Variants in CACHD1 observed in about 807,000 individuals in gnomAD.
CACHD1 encodes the protein cache domain containing 1.
Under a neutral mutation model 138.7 loss-of-function variants are expected in CACHD1, and 71 were observed. That is an observed-to-expected ratio of 0.51 (90% CI 0.42 to 0.62). CACHD1 has a LOEUF of 0.62. CACHD1 is among the 20% of genes least tolerant of loss of function. The pLI is 0.00. For missense variants in CACHD1, 1,389 were observed against 1,625.3 expected (o/e 0.85, Z 2.50); for synonymous variants, 578 against 591.5 (o/e 0.98, Z 0.33).
intron 26 of CACHD1, among the ~76,000 whole-genome samples, chr1:64,683,693 C>A (rs1305847321): frequency 1.3e-5 from 2 of 152,164 alleles, no homozygotes; most frequent in East Asian, 3.9e-4. Context: ...TCCATGTTAT[C>A]CCCAAGGTAT....
At chr1:64,679,466 C>T in intron 23 of CACHD1, 129 bp from the exon 24 acceptor site, 1 of 992,168 alleles carries the variant, frequency 1.0e-6, no homozygotes, top group Non-Finnish European at 1.5e-6. Flanking sequence ...GAACTCAAAG[C>T]CTAACTAAGC....
chr1:64,547,327 A>G (rs985004604), intron 1 of CACHD1, among the ~76,000 whole-genome samples: 2 of 152,138 alleles, frequency 1.3e-5, no homozygotes, highest in African/African-American at 4.8e-5. Context: ...GTAGTTTGAG[A>G]TCTTGTGCAC....
chr1:64,641,413 C>T (rs1389681284), intron 7 of CACHD1, among the ~76,000 whole-genome samples: 1 of 152,152 alleles, frequency 6.6e-6, no homozygotes, highest in Non-Finnish European at 1.5e-5. Context: ...AAAGCCTGGT[C>T]CTCAAGAAAC....
chr1:64,542,269 C>T (rs891509515), intron 1 of CACHD1, among the ~76,000 whole-genome samples: 2 of 152,098 alleles, frequency 1.3e-5, no homozygotes, highest in Admixed American at 6.6e-5. Flanking sequence ...TGTACCTGGG[C>T]GTACAGTTTG....
chr1:64,566,847 A>G (rs979279361), intron 2 of CACHD1, among the ~76,000 whole-genome samples: 6 of 152,086 alleles, frequency 3.9e-5, no homozygotes, highest in Non-Finnish European at 8.8e-5. Flanking sequence ...AAAAATAAAT[A>G]TTATTAGAGC....
At chr1:64,590,419 G>C (rs1165562892) in intron 3 of CACHD1, among the ~76,000 whole-genome samples, 2 of 151,738 alleles carry the variant, frequency 1.3e-5, no homozygotes, top group African/African-American at 4.8e-5. Context: ...CTGTAAATTG[G>C]TTGTGTATTT....
chr1:64,523,759 T>C (rs1646515567), intron 1 of CACHD1, among the ~76,000 whole-genome samples: 2 of 152,244 alleles, frequency 1.3e-5, no homozygotes, highest in African/African-American at 4.8e-5. Flanking sequence ...TGTATAAAGC[T>C]GATAACTAGA....
chr1:64,574,678 A>G (rs533065851), intron 2 of CACHD1, among the ~76,000 whole-genome samples: 11 of 152,332 alleles, frequency 7.2e-5, no homozygotes, highest in African/African-American at 2.4e-4. Context: ...TGGCGCTTAT[A>G]ATACATTGGA....
chr1:64,558,334 A>G (rs971514803), intron 2 of CACHD1, among the ~76,000 whole-genome samples: 1 of 152,210 alleles, frequency 6.6e-6, no homozygotes, highest in Admixed American at 6.5e-5. Context: ...TGTTCAGACG[A>G]AGATCCCCAT....
intron 2 of CACHD1, among the ~76,000 whole-genome samples, chr1:64,579,688 G>T (rs1423381514): frequency 1.3e-5 from 2 of 152,078 alleles, no homozygotes; most frequent in East Asian, 3.9e-4. Flanking sequence ...TTTTAAAAGA[G>T]TTGATTATTA....
intron 5 of CACHD1, among the ~76,000 whole-genome samples, chr1:64,631,810 G>A (rs1197267288): frequency 6.6e-6 from 1 of 152,116 alleles, no homozygotes; most frequent in Non-Finnish European, 1.5e-5. Flanking sequence ...GGCAAGAAGA[G>A]TGGCTATCAC....
chr1:64,603,143 T>G (rs1327417559), intron 4 of CACHD1, among the ~76,000 whole-genome samples: 1 of 142,434 alleles, frequency 7.0e-6, no homozygotes, highest in Non-Finnish European at 1.5e-5. Flanking sequence ...CTCACTCTGT[T>G]GCCCAGGCTG....
chr1:64,669,292 G>A (rs772598004), intron 16 of CACHD1, among the ~76,000 whole-genome samples: 13 of 152,144 alleles, frequency 8.5e-5, no homozygotes, highest in Admixed American at 2.6e-4. Flanking sequence ...TTAAGAGGTC[G>A]AGTCCCAAAT....
chr1:64,586,011 A>G (rs1457677608), intron 3 of CACHD1, among the ~76,000 whole-genome samples: 2 of 152,166 alleles, frequency 1.3e-5, no homozygotes, highest in African/African-American at 2.4e-5. Context: ...AAAGTGCTTT[A>G]TCTGCATATT....
intron 4 of CACHD1, among the ~76,000 whole-genome samples, chr1:64,622,234 C>T (rs993736587): frequency 6.6e-6 from 1 of 152,078 alleles, no homozygotes; most frequent in Non-Finnish European, 1.5e-5. Flanking sequence ...ATATAAAAAC[C>T]CCATCTCTTA....
chr1:64,674,180 C>A (rs559934143), intron 19 of CACHD1, among the ~76,000 whole-genome samples: 115 of 152,196 alleles, frequency 7.6e-4, no homozygotes, highest in Middle Eastern at 6.8e-3. Context: ...AACTGAGTCT[C>A]AAAAACTCTA....
At chr1:64,555,471 G>A (rs1242357809) in intron 2 of CACHD1, among the ~76,000 whole-genome samples, 1 of 152,186 alleles carries the variant, frequency 6.6e-6, no homozygotes, top group African/African-American at 2.4e-5. Context: ...CCAGGCTGGA[G>A]TGCAGTGGCA....
At chr1:64,677,382 T>G (rs1412131495) in intron 22 of CACHD1, among the ~76,000 whole-genome samples, 1 of 152,210 alleles carries the variant, frequency 6.6e-6, no homozygotes, top group East Asian at 1.9e-4. Context: ...ATCTGCTTCA[T>G]GATAGTTTTG....
rs1650598060 is a variant in CACHD1 at position 64,692,590 on chromosome 1, A to T, written c.*1029A>T. 6.6e-6 allele frequency: 1 copy of T among 152,204 alleles called. No individual in the cohort carries two copies. The allele number at this position is 152,204 out of a possible 1,614,324, so 9.4% of individuals were successfully genotyped here. A position where few individuals can be genotyped will look rare whatever the true frequency, so the allele number is the denominator to read the frequency against. Reference sequence around the variant, plus strand: ...TTTTGACTGAGAATATTGACATATAAGGGAAGAAGTTTTCTAAATTGTGAA... The same window carrying T: ...TTTTGACTGAGAATATTGACATATATGGGAAGAAGTTTTCTAAATTGTGAA... On this transcript the variant is annotated 3_prime_UTR_variant, in exon 27 of 27. Coordinates refer to ENST00000651257, the MANE Select transcript of CACHD1 (RefSeq NM_020925.4).
Sources: gnomAD v4.1 joint callset for allele counts (sites outside exome capture counted in the v4.1 genomes callset) on GRCh38, gnomAD v4.1.1 for gene constraint, MANE v1.5 for transcripts, NCBI Gene and HGNC (gene_info 2026-07-23, HGNC 2026-07-21) for gene names.